GABRG3: variants seen among roughly 807,000 people sequenced by gnomAD.
GABRG3 encodes gamma-aminobutyric acid type A receptor subunit gamma3.
In GABRG3, 25 loss-of-function variants were observed where a neutral mutation model predicts 48.8. The observed-to-expected ratio is 0.51, with a 90% CI of 0.37 to 0.72. GABRG3 has a LOEUF of 0.72. Among genes scored for constraint, GABRG3 ranks in the 30% least tolerant of loss-of-function variants. The probability of loss-of-function intolerance (pLI) is 0.00; values close to 1 mark genes in which losing one functional copy is unlikely to be tolerated. For synonymous variants in GABRG3, 227 were observed against 217.6 expected (o/e 1.04, Z -0.38); for missense variants, 394 against 577.9 (o/e 0.68, Z 3.26).
chr15:27,294,200 T>A (rs1288948124), intron 3 of GABRG3, among the ~76,000 whole-genome samples: 1 of 151,278 alleles, frequency 6.6e-6, no homozygotes, highest in Non-Finnish European at 1.5e-5. Flanking sequence ...CTCTGTATCC[T>A]GCTACCTTTT....
chr15:27,069,080 A>G (rs1896784962), intron 3 of GABRG3, among the ~76,000 whole-genome samples: 1 of 152,200 alleles, frequency 6.6e-6, no homozygotes, highest in Non-Finnish European at 1.5e-5. Context: ...CGCTGGGTCA[A>G]ATCATTTTGC....
chr15:27,377,372 A>G (rs1895630446), intron 5 of GABRG3, among the ~76,000 whole-genome samples: 1 of 151,962 alleles, frequency 6.6e-6, no homozygotes, highest in Non-Finnish European at 1.5e-5. Flanking sequence ...GCATTGCCTC[A>G]CTCTGCTGGT....
At chr15:27,009,395 G>T (rs1176965055) in intron 2 of GABRG3, among the ~76,000 whole-genome samples, 2 of 152,106 alleles carry the variant, frequency 1.3e-5, no homozygotes, top group Non-Finnish European at 2.9e-5. Flanking sequence ...GAGGACACAT[G>T]ACGATTGAAA....
intron 3 of GABRG3, among the ~76,000 whole-genome samples, chr15:27,265,534 G>A (rs1039761328): frequency 6.6e-6 from 1 of 152,180 alleles, no homozygotes; most frequent in African/African-American, 2.4e-5. Context: ...GACAACCCAG[G>A]TTCCCTGGGC....
chr15:27,211,893 G>A (rs1380575085), intron 3 of GABRG3, among the ~76,000 whole-genome samples: 1 of 152,166 alleles, frequency 6.6e-6, no homozygotes, highest in Non-Finnish European at 1.5e-5. Flanking sequence ...ATTTCTAGAT[G>A]AGTTACCATG....
At chr15:27,277,663 T>C (rs1183528139) in intron 3 of GABRG3, among the ~76,000 whole-genome samples, 1 of 152,202 alleles carries the variant, frequency 6.6e-6, no homozygotes, top group Admixed American at 6.5e-5. Context: ...TTCTCTACTT[T>C]TTCTCCTTAT....
chr15:27,388,324 A>AAGGAAGGAAGGAAGGAAAGG (rs1252585616), intron 5 of GABRG3, among the ~76,000 whole-genome samples: 1 of 49,524 alleles, frequency 2.0e-5, no homozygotes, highest in Non-Finnish European at 3.9e-5. Flanking sequence ...GAGGGAAAAG[A>AAGGAAGGAAGGAAGGAAAGG]AGGAAGGAAG....
intron 2 of GABRG3, among the ~76,000 whole-genome samples, chr15:26,991,919 AC>A (rs1175644416): frequency 2.6e-5 from 4 of 151,962 alleles, no homozygotes; most frequent in Non-Finnish European, 4.4e-5. Context: ...ATGGGGTTTC[AC>A]CGTGTTAGCC....
intron 5 of GABRG3, among the ~76,000 whole-genome samples, chr15:27,387,253 G>A (rs950824901): frequency 1.3e-5 from 2 of 148,732 alleles, no homozygotes; most frequent in East Asian, 2.0e-4. Context: ...TGTAATTCAC[G>A]TTTTTTTTTT....
chr15:27,486,427 G>A (rs111430842), intron 6 of GABRG3, among the ~76,000 whole-genome samples: 423 of 152,296 alleles, frequency 2.8e-3, no homozygotes, highest in African/African-American at 9.4e-3. Flanking sequence ...CAGTCTTTAC[G>A]TGTAGAAGCT....
chr15:27,307,749 A>G (rs1191923444), intron 3 of GABRG3, among the ~76,000 whole-genome samples: 3 of 126,186 alleles, frequency 2.4e-5, no homozygotes, highest in Non-Finnish European at 4.7e-5. Flanking sequence ...ATAGGTTTAT[A>G]TATAAACATA....
At chr15:27,209,375 T>G (rs1888993618) in intron 3 of GABRG3, among the ~76,000 whole-genome samples, 2 of 149,294 alleles carry the variant, frequency 1.3e-5, no homozygotes, top group African/African-American at 5.1e-5. Flanking sequence ...TCCTTCTTTC[T>G]TTTCTTTTCT....
At chr15:27,257,222 T>C (rs1890648890) in intron 3 of GABRG3, among the ~76,000 whole-genome samples, 1 of 152,206 alleles carries the variant, frequency 6.6e-6, no homozygotes, top group South Asian at 2.1e-4. Context: ...GAGGTGTCTC[T>C]TTAGGTCCTT....
At chr15:27,174,584 G>GTCTCTCTCTCTCTCTCTCTCTC (rs150022606) in intron 3 of GABRG3, among the ~76,000 whole-genome samples, 6 of 139,658 alleles carry the variant, frequency 4.3e-5, no homozygotes, top group Admixed American at 1.4e-4. Context: ...TCTCTCTCTC[G>GTCTCTCTCTCTCTCTCTCTCTC]TCTCTCTCTC....
chr15:27,164,509 T>C (rs1329981607), intron 3 of GABRG3, among the ~76,000 whole-genome samples: 1 of 152,232 alleles, frequency 6.6e-6, no homozygotes, highest in East Asian at 1.9e-4. Flanking sequence ...CTTTCATAGC[T>C]TTGATCCAGG....
chr15:27,033,894 C>G (rs1896131049), intron 3 of GABRG3, among the ~76,000 whole-genome samples: 1 of 152,130 alleles, frequency 6.6e-6, no homozygotes, highest in African/African-American at 2.4e-5. Flanking sequence ...TTTTGTGACA[C>G]TTTCAGTTTT....
chr15:27,358,410 C>T (rs1894911100), intron 5 of GABRG3, among the ~76,000 whole-genome samples: 1 of 152,096 alleles, frequency 6.6e-6, no homozygotes, highest in African/African-American at 2.4e-5. Context: ...GTCTCTCCTT[C>T]CCAACTCTAA....
chr15:27,347,698 A>T (rs1235329803), intron 5 of GABRG3, among the ~76,000 whole-genome samples: 1 of 152,200 alleles, frequency 6.6e-6, no homozygotes, highest in African/African-American at 2.4e-5. Flanking sequence ...AGCTCAGGAA[A>T]GTGTTGGGGG....
intron 3 of GABRG3, among the ~76,000 whole-genome samples, chr15:27,196,477 A>C (rs1368785561): frequency 6.6e-6 from 1 of 152,160 alleles, no homozygotes; most frequent in African/African-American, 2.4e-5. Context: ...TGCCTATCAA[A>C]TTATGTATAA....
Sources: gnomAD v4.1 joint callset for allele counts (sites outside exome capture counted in the v4.1 genomes callset) on GRCh38, gnomAD v4.1.1 for gene constraint, MANE v1.5 for transcripts, NCBI Gene and HGNC (gene_info 2026-07-23, HGNC 2026-07-21) for gene names.